AGBL1: variants seen among roughly 807,000 people sequenced by gnomAD.
AGBL1 encodes the protein cytosolic carboxypeptidase 4.
Under a neutral mutation model 118.9 loss-of-function variants are expected in AGBL1, and 130 were observed. That is an observed-to-expected ratio of 1.09 (90% confidence interval 0.95 to 1.26). AGBL1 has a LOEUF of 1.26. Among genes scored for constraint, AGBL1 ranks in the 50% most tolerant of loss-of-function variants. The pLI, the probability that AGBL1 is intolerant of heterozygous loss-of-function variation, is 0.00. For missense variants in AGBL1, 1,584 were observed against 1,298.1 expected (o/e 1.22, Z -3.38); for synonymous variants, 555 against 478.9 (o/e 1.16, Z -2.08).
At chr15:86,244,125 A>G (rs2078683163) in intron 6 of AGBL1, among the ~76,000 whole-genome samples, 1 of 151,716 alleles carries the variant, frequency 6.6e-6, no homozygotes, top group Admixed American at 6.6e-5. Flanking sequence ...CTATTTAGAA[A>G]CTTAAAAAAA....
chr15:86,453,866 G>A (rs542424851), intron 18 of AGBL1, among the ~76,000 whole-genome samples: 1 of 152,162 alleles, frequency 6.6e-6, no homozygotes, highest in Non-Finnish European at 1.5e-5. Flanking sequence ...ATCATATTTT[G>A]TAATAGATAT....
chr15:86,926,855 C>A (rs755308219), intron 23 of AGBL1, among the ~76,000 whole-genome samples: 1 of 152,156 alleles, frequency 6.6e-6, no homozygotes, highest in Admixed American at 6.5e-5. Flanking sequence ...AAAATCTCCA[C>A]TCAGGCCAGG....
At chr15:86,810,127 A>T (rs1460218051) in intron 22 of AGBL1, among the ~76,000 whole-genome samples, 1 of 152,172 alleles carries the variant, frequency 6.6e-6, no homozygotes, top group Non-Finnish European at 1.5e-5. Flanking sequence ...TTGTAAAAAC[A>T]AACAGCAACA....
intron 6 of AGBL1, among the ~76,000 whole-genome samples, chr15:86,232,243 C>T (rs955233725): frequency 2.0e-5 from 3 of 152,174 alleles, no homozygotes; most frequent in African/African-American, 7.2e-5. Flanking sequence ...CCTCGTCGCC[C>T]CCATCCCTGT....
chr15:86,918,590 C>T (rs1250278585), downstream of AGBL1, among the ~76,000 whole-genome samples: 1 of 151,840 alleles, frequency 6.6e-6, no homozygotes, highest in East Asian at 1.9e-4. Flanking sequence ...GTCTTATTTT[C>T]AGACTTAGTC....
chr15:86,659,966 A>G (rs1180951723), intron 21 of AGBL1, among the ~76,000 whole-genome samples: 1 of 151,914 alleles, frequency 6.6e-6, no homozygotes, highest in African/African-American at 2.4e-5. Flanking sequence ...TTCCCTGCTC[A>G]TGGACTTTGG....
chr15:86,864,811 C>T (rs1303429139), intron 22 of AGBL1, among the ~76,000 whole-genome samples: 1 of 152,156 alleles, frequency 6.6e-6, no homozygotes, highest in Admixed American at 6.5e-5. Context: ...TGCAGCAAGT[C>T]GCCCTGGATT....
chr15:86,650,982 T>C (rs1411785322), intron 21 of AGBL1, among the ~76,000 whole-genome samples: 1 of 152,234 alleles, frequency 6.6e-6, no homozygotes, highest in East Asian at 1.9e-4. Context: ...TTAGCACTTC[T>C]TGGTTCAAAT....
At chr15:86,842,104 A>C (rs557826340) in intron 22 of AGBL1, among the ~76,000 whole-genome samples, 1 of 152,136 alleles carries the variant, frequency 6.6e-6, no homozygotes, top group East Asian at 1.9e-4. Context: ...AAAAAAATAC[A>C]ATCTAAATTC....
chr15:86,264,048 C>A (rs569005899), intron 10 of AGBL1, among the ~76,000 whole-genome samples: 1 of 152,212 alleles, frequency 6.6e-6, no homozygotes, highest in South Asian at 2.1e-4. Flanking sequence ...TTGGACTAGA[C>A]CCACCAAAAG....
intron 21 of AGBL1, among the ~76,000 whole-genome samples, chr15:86,589,445 G>A (rs541119158): frequency 1.3e-5 from 2 of 152,274 alleles, no homozygotes; most frequent in South Asian, 4.1e-4. Flanking sequence ...GACATTTTGT[G>A]CCTTAATGGC....
rs74027109 is a variant in AGBL1 at position 86,808,186 on chromosome 15, G to T, written c.3159-98901G>T. ...CAGAATGACCTTTCTGAGAAATAAA[G>T]CTTTTAAACTGTGGTTGACCCCTGG... On this transcript the variant is annotated intron_variant, in intron 22 of 22. Coordinates refer to ENST00000614907, the MANE Select transcript of AGBL1 (RefSeq NM_001386094.1). Among the ~76,000 whole-genome samples the T allele has an allele frequency of 4.8e-3, 738 of 152,166 alleles. 8 individuals carry two copies. The highest frequency in any genetic ancestry group is 0.017 in the African/African-American group (698 of 41,526).
chr15:86,646,120 A>G (rs1211638240), intron 21 of AGBL1, among the ~76,000 whole-genome samples: 1 of 151,892 alleles, frequency 6.6e-6, no homozygotes, highest in Non-Finnish European at 1.5e-5. Flanking sequence ...TCTTACATCA[A>G]CAGTTTGCTG....
intron 5 of AGBL1, among the ~76,000 whole-genome samples, chr15:86,220,104 A>G (rs551580448): frequency 7.9e-5 from 12 of 152,108 alleles, no homozygotes; most frequent in African/African-American, 2.9e-4. Flanking sequence ...GGGGCCTGCC[A>G]CCATGCCCAG....
At chr15:86,427,904 C>T (rs956627973) in intron 18 of AGBL1, among the ~76,000 whole-genome samples, 11 of 152,146 alleles carry the variant, frequency 7.2e-5, no homozygotes, top group South Asian at 2.1e-4. Context: ...GCAAAGCTTA[C>T]GGACAAATAC....
intron 5 of AGBL1, among the ~76,000 whole-genome samples, chr15:86,159,888 C>A (rs551555637): frequency 6.6e-6 from 1 of 152,002 alleles, no homozygotes; most frequent in South Asian, 2.1e-4. Flanking sequence ...TCCATTCTCA[C>A]CTGCAGCTCT....
intron 4 of AGBL1, among the ~76,000 whole-genome samples, chr15:86,155,471 C>G (rs182021179): frequency 2.8e-4 from 43 of 152,034 alleles, no homozygotes; most frequent in Non-Finnish European, 5.0e-4. Flanking sequence ...AAAAGTGAAG[C>G]GATTGCTTGA....
At chr15:86,248,869 A>G (rs2078763669) in intron 7 of AGBL1, among the ~76,000 whole-genome samples, 1 of 152,108 alleles carries the variant, frequency 6.6e-6, no homozygotes, top group South Asian at 2.1e-4. Flanking sequence ...GTTCTTTTAG[A>G]GAGAGAGGTC....
intron 5 of AGBL1, among the ~76,000 whole-genome samples, chr15:86,166,341 T>A (rs1375334835): frequency 6.6e-6 from 1 of 152,228 alleles, no homozygotes; most frequent in Non-Finnish European, 1.5e-5. Context: ...CCTTGCATTC[T>A]GATCCAGTCT....
Sources: gnomAD v4.1 joint callset for allele counts (sites outside exome capture counted in the v4.1 genomes callset) on GRCh38, gnomAD v4.1.1 for gene constraint, MANE v1.5 for transcripts, NCBI Gene and HGNC (gene_info 2026-07-23, HGNC 2026-07-21) for gene names.